SLC9A9: variants seen among roughly 807,000 people sequenced by gnomAD.
SLC9A9 encodes the protein sodium/hydrogen exchanger 9.
SLC9A9 carries 62 observed loss-of-function variants against 77.8 expected under a neutral mutation model. The ratio of observed to expected loss-of-function variants is 0.80; its 90% CI spans 0.65 to 0.98. The LOEUF (loss-of-function observed/expected upper bound fraction) is 0.98, where lower values mean the gene tolerates loss of function less well. Among genes scored for constraint, SLC9A9 ranks in the 50% least tolerant of loss-of-function variants. SLC9A9 has a pLI of 0.00. For missense variants in SLC9A9, 775 were observed against 774.9 expected (o/e 1.00, Z 0.00); for synonymous variants, 320 against 283.5 (o/e 1.13, Z -1.29).
At chr3:143,373,575 AC>A (rs1202429278) in intron 13 of SLC9A9, among the ~76,000 whole-genome samples, 5 of 142,198 alleles carry the variant, frequency 3.5e-5, no homozygotes, top group Admixed American at 7.4e-5. Flanking sequence ...GTAACCAAAA[AC>A]CATTGTATCC....
chr3:143,366,300 A>G (rs937918588), intron 13 of SLC9A9, among the ~76,000 whole-genome samples: 2 of 152,218 alleles, frequency 1.3e-5, no homozygotes, highest in Non-Finnish European at 2.9e-5. Context: ...CACTCTATCA[A>G]GGTAGGTTGC....
chr3:143,687,465 A>G (rs940637234), intron 5 of SLC9A9, among the ~76,000 whole-genome samples: 2 of 152,154 alleles, frequency 1.3e-5, no homozygotes, highest in Non-Finnish European at 2.9e-5. Context: ...TAATATAACA[A>G]TTAGTTCCCA....
At chr3:143,361,801 C>A (rs1455784221) in intron 14 of SLC9A9, among the ~76,000 whole-genome samples, 1 of 152,080 alleles carries the variant, frequency 6.6e-6, no homozygotes, top group Non-Finnish European at 1.5e-5. Context: ...AGTGTCACTG[C>A]CTTAAGCTAA....
chr3:143,801,761 A>T (rs997044969), intron 2 of SLC9A9, among the ~76,000 whole-genome samples: 4 of 152,058 alleles, frequency 2.6e-5, no homozygotes, highest in African/African-American at 7.2e-5. Flanking sequence ...CTACCTCTCA[A>T]CAAGCCGAAC....
intron 12 of SLC9A9, among the ~76,000 whole-genome samples, chr3:143,449,833 T>C (rs1450120363): frequency 3.6e-5 from 1 of 27,496 alleles, no homozygotes; most frequent in Non-Finnish European, 5.2e-5. Context: ...CATATATAAT[T>C]ATATGTATTA....
At chr3:143,707,400 A>ACACC (rs549058822) in intron 4 of SLC9A9, among the ~76,000 whole-genome samples, 4 of 145,110 alleles carry the variant, frequency 2.8e-5, no homozygotes, top group African/African-American at 7.6e-5. Context: ...ACACACACAC[A>ACACC]CCCCAGCTGG....
chr3:143,432,256 A>G (rs1408102892), intron 12 of SLC9A9, among the ~76,000 whole-genome samples: 2 of 152,170 alleles, frequency 1.3e-5, no homozygotes, highest in Non-Finnish European at 2.9e-5. Flanking sequence ...GTATAAGATG[A>G]CTACACACCG....
intron 8 of SLC9A9, among the ~76,000 whole-genome samples, chr3:143,563,842 T>C (rs1389087903): frequency 6.6e-6 from 1 of 152,182 alleles, no homozygotes; most frequent in Non-Finnish European, 1.5e-5. Context: ...GTTCAGTTTT[T>C]ACTTTGCTTC....
chr3:143,650,882 A>G (rs1560012661), intron 6 of SLC9A9, among the ~76,000 whole-genome samples: 1 of 152,244 alleles, frequency 6.6e-6, no homozygotes, highest in Non-Finnish European at 1.5e-5. Context: ...GCTCAACAGC[A>G]TCAACATTTA....
At chr3:143,349,272 G>A (rs976662634) in intron 14 of SLC9A9, among the ~76,000 whole-genome samples, 13 of 152,158 alleles carry the variant, frequency 8.5e-5, no homozygotes, top group African/African-American at 2.7e-4. Context: ...TACCTGAAAG[G>A]AGAGGGATGG....
chr3:143,814,762 T>C (rs973774373), intron 2 of SLC9A9, among the ~76,000 whole-genome samples: 8 of 152,160 alleles, frequency 5.3e-5, no homozygotes, highest in Non-Finnish European at 1.0e-4. Context: ...CGACTCTACC[T>C]TCCCTACTCT....
chr3:143,432,215 G>A (rs560120647), intron 12 of SLC9A9, among the ~76,000 whole-genome samples: 1 of 152,262 alleles, frequency 6.6e-6, no homozygotes, highest in East Asian at 1.9e-4. Flanking sequence ...TGGCACACAT[G>A]TATTTGTTAA....
At chr3:143,378,565 T>C (rs1272337718) in intron 13 of SLC9A9, among the ~76,000 whole-genome samples, 2 of 152,112 alleles carry the variant, frequency 1.3e-5, no homozygotes, top group Non-Finnish European at 2.9e-5. Context: ...AGAGAAGCAA[T>C]ACTGGCAGCC....
chr3:143,446,895 T>C (rs759968295), intron 12 of SLC9A9, among the ~76,000 whole-genome samples: 16 of 150,044 alleles, frequency 1.1e-4, no homozygotes, highest in Non-Finnish European at 2.1e-4. Flanking sequence ...TGTGTGTGTG[T>C]GTGCATGCAC....
intron 1 of SLC9A9, among the ~76,000 whole-genome samples, chr3:143,847,144 A>G (rs2009848045): frequency 6.6e-6 from 1 of 152,204 alleles, no homozygotes; most frequent in African/African-American, 2.4e-5. Context: ...ATTGATCTGT[A>G]CCCTGAATCT....
At chr3:143,555,950 T>C (rs553073697) in intron 8 of SLC9A9, among the ~76,000 whole-genome samples, 5 of 152,222 alleles carry the variant, frequency 3.3e-5, no homozygotes, top group African/African-American at 1.2e-4. Flanking sequence ...AGTATTAGCA[T>C]ACACAATCAT....
chr3:143,783,963 T>C (rs769718568), intron 4 of SLC9A9, among the ~76,000 whole-genome samples: 18 of 152,150 alleles, frequency 1.2e-4, no homozygotes, highest in Non-Finnish European at 2.2e-4. Context: ...GCTCTATCCT[T>C]TCCCAAAGCA....
At chr3:143,417,610 T>C (rs1245063924) in intron 12 of SLC9A9, among the ~76,000 whole-genome samples, 1 of 151,624 alleles carries the variant, frequency 6.6e-6, no homozygotes, top group Non-Finnish European at 1.5e-5. Context: ...TCTCTCCACA[T>C]GGAAGCACCA....
chr3:143,730,187 C>A (rs145078113), intron 4 of SLC9A9, among the ~76,000 whole-genome samples: 19 of 152,222 alleles, frequency 1.2e-4, no homozygotes, highest in South Asian at 2.1e-4. Flanking sequence ...GGGAGTGTGC[C>A]CACTTGTTGG....
Sources: allele counts gnomAD v4.1 joint callset (sites outside exome capture counted in the v4.1 genomes callset), GRCh38; gene constraint gnomAD v4.1.1; transcripts MANE v1.5; gene names NCBI Gene and HGNC (gene_info 2026-07-23, HGNC 2026-07-21).